Variants in SIK3 observed in about 807,000 individuals in gnomAD.
SIK3 encodes SIK family kinase 3.
A neutral mutation model predicts 144.2 loss-of-function variants in SIK3; 28 were observed. The observed-to-expected ratio is 0.19, with a 90% CI of 0.14 to 0.27. The LOEUF (loss-of-function observed/expected upper bound fraction) is 0.27, where lower values mean the gene tolerates loss of function less well. Ranked by LOEUF, SIK3 falls within the 10% of genes least tolerant of loss-of-function variation. SIK3 has a pLI of 1.00. For synonymous variants in SIK3, 686 were observed against 676.3 expected (o/e 1.01, Z -0.22); for missense variants, 1,319 against 1,776.0 (o/e 0.74, Z 4.62).
rs540924148 is a variant in SIK3, at chr11:117,010,799, C to T, written c.274-53735G>A. ...TAACATATGTATAAATGTACATATA[C>T]ATATACTTTAGATTGAGAAATGTCA... On this transcript the variant is annotated intron_variant, in intron 1 of 24. Coordinates refer to ENST00000445177, the MANE Select transcript of SIK3 (RefSeq NM_001366686.3). 3.3e-5 allele frequency among the ~76,000 whole-genome samples: 5 copies of T among 152,144 alleles called. No individual in the cohort carries two copies. In the South Asian group the frequency reaches 1.0e-3, roughly 32 times the overall value.
Position 116,844,612 on chromosome 11 carries a change from A to G in SIK3, c.*1031T>C, listed in dbSNP as rs1941775555. The G allele has an allele frequency of 2.4e-5, 1 of 41,224 alleles. No homozygotes were observed. Among genetic ancestry groups the G allele is most frequent in the Admixed American group, 2.2e-4 (1 of 4,464 alleles). 2.6% of individuals were successfully genotyped at this position (41,224 alleles called of 1,614,324 possible). A position where few individuals can be genotyped will look rare whatever the true frequency, so the allele number is the denominator to read the frequency against. On this transcript the variant is annotated 3_prime_UTR_variant, in exon 25 of 25. Coordinates refer to ENST00000445177, the MANE Select transcript of SIK3 (RefSeq NM_001366686.3). ...TATATATATTTTATATATATATTAT[A>G]TATATAATATATATATAATATATTA...
chr11:116,941,406 T>C (rs931737030), intron 3 of SIK3, among the ~76,000 whole-genome samples: 16 of 47,662 alleles, frequency 3.4e-4, no homozygotes, highest in African/African-American at 1.4e-3. Context: ...AATAAAAACA[T>C]GTAAAAAAAA....
chr11:117,076,112 G>A (rs1591659467), intron 1 of SIK3, among the ~76,000 whole-genome samples: 2 of 152,018 alleles, frequency 1.3e-5, no homozygotes, highest in South Asian at 2.1e-4. Context: ...GCCTCCCAAA[G>A]TGCTGGGATT....
At chr11:116,912,406 A>G (rs918959376) in intron 4 of SIK3, among the ~76,000 whole-genome samples, 5 of 152,236 alleles carry the variant, frequency 3.3e-5, no homozygotes, top group Non-Finnish European at 7.3e-5. Context: ...CAACTGCAAC[A>G]GGCAATTTTC....
chr11:117,064,362 TA>T (rs1335264908), intron 1 of SIK3, among the ~76,000 whole-genome samples: 1 of 152,250 alleles, frequency 6.6e-6, no homozygotes, highest in African/African-American at 2.4e-5. Flanking sequence ...AACAGCATAT[TA>T]CTTATTGCCT....
chr11:117,016,448 C>T (rs184065810), intron 1 of SIK3, among the ~76,000 whole-genome samples: 96 of 78,426 alleles, frequency 1.2e-3, no homozygotes, highest in Non-Finnish European at 2.4e-3. Flanking sequence ...AGGAAGGAAT[C>T]CCATGACCTA....
At chr11:117,012,659 C>T (rs1951311045) in intron 1 of SIK3, among the ~76,000 whole-genome samples, 1 of 152,132 alleles carries the variant, frequency 6.6e-6, no homozygotes, top group African/African-American at 2.4e-5. Context: ...AATCCTAGCT[C>T]ACCCTGGTAG....
rs1941740146 is a variant in SIK3 at position 116,844,235 on chromosome 11, A to C, written c.*1408T>G. The C allele has an allele frequency of 6.6e-6, 1 of 152,156 alleles. No individual in the cohort carries two copies. The allele number at this position is 152,156 out of a possible 1,614,324, so 9.4% of individuals were successfully genotyped here. ...ATAGCTACTGCGTATGCACTGCTTC[A>C]ACTGGGGAAAGGAGACCACTGCATC... On this transcript the variant is annotated 3_prime_UTR_variant, in exon 25 of 25. Coordinates refer to ENST00000445177, the MANE Select transcript of SIK3 (RefSeq NM_001366686.3).
chr11:116,882,836 A>G (rs12275565), intron 6 of SIK3, among the ~76,000 whole-genome samples: 10,882 of 152,264 alleles, frequency 0.071, 452 homozygotes, highest in Middle Eastern at 0.12. Flanking sequence ...ACTTCTTAGT[A>G]ATGAATTGCT....
At chr11:117,011,224 T>C (rs529978399) in intron 1 of SIK3, among the ~76,000 whole-genome samples, 13 of 152,220 alleles carry the variant, frequency 8.5e-5, no homozygotes, top group South Asian at 4.2e-4. Context: ...CCTTTTTTTT[T>C]CCCCCTGTAA....
At chr11:116,887,245 T>TAAAAA (rs5795056) in intron 6 of SIK3, among the ~76,000 whole-genome samples, 1 of 103,644 alleles carries the variant, frequency 9.6e-6, no homozygotes, top group Admixed American at 1.0e-4. Flanking sequence ...GTCTCTACAC[T>TAAAAA]AAAAAAAAAA....
chr11:116,995,677 C>G lies in SIK3; in HGVS notation c.274-38613G>C, dbSNP rs115903218. ...TGATTGCTCTTAATCCTCTCAACAA[C>G]CTGGCTCCTAAGAATAAATTTATAT... On this transcript the variant is annotated intron_variant, in intron 1 of 24. Coordinates refer to ENST00000445177, the MANE Select transcript of SIK3 (RefSeq NM_001366686.3). Among the ~76,000 whole-genome samples, 1,119 of 152,264 alleles carry G rather than the reference C, an allele frequency of 7.3e-3. 12 individuals are homozygous for G. Among genetic ancestry groups the G allele is most frequent in the African/African-American group, 0.026 (1,075 of 41,534 alleles).
intron 1 of SIK3, among the ~76,000 whole-genome samples, chr11:116,964,243 C>A (rs1193567477): frequency 6.6e-6 from 1 of 152,138 alleles, no homozygotes; most frequent in Non-Finnish European, 1.5e-5. Context: ...TCAATGGATC[C>A]TCCCACCTCA....
intron 1 of SIK3, among the ~76,000 whole-genome samples, chr11:117,071,885 C>A (rs1267925234): frequency 6.7e-6 from 1 of 148,298 alleles, no homozygotes; most frequent in African/African-American, 2.5e-5. Context: ...TTCCAAAGTA[C>A]CGGGATTACA....
At chr11:116,949,208 C>A (rs1480843346) in intron 3 of SIK3, among the ~76,000 whole-genome samples, 1 of 152,194 alleles carries the variant, frequency 6.6e-6, no homozygotes, top group Non-Finnish European at 1.5e-5. Flanking sequence ...CCATGCCCAG[C>A]TAAAAGCTAG....
chr11:116,910,080 CAT>C (rs1463475640), intron 4 of SIK3, among the ~76,000 whole-genome samples: 2 of 152,062 alleles, frequency 1.3e-5, no homozygotes, highest in Admixed American at 6.6e-5. Flanking sequence ...TTATTAGTCA[CAT>C]GATTGAAAAT....
intron 1 of SIK3, among the ~76,000 whole-genome samples, chr11:117,049,569 CT>C (rs2135901572): frequency 6.6e-6 from 1 of 151,804 alleles, no homozygotes; most frequent in Non-Finnish European, 1.5e-5. Context: ...CACAGCAAGG[CT>C]CCATCTCAAA....
At chr11:117,058,628 T>A (rs963202472) in intron 1 of SIK3, among the ~76,000 whole-genome samples, 2 of 152,012 alleles carry the variant, frequency 1.3e-5, no homozygotes, top group African/African-American at 4.8e-5. Flanking sequence ...TCTGCTGAAG[T>A]GTAGAATCAG....
At chr11:116,888,775 T>C (rs1188239632) in intron 6 of SIK3, among the ~76,000 whole-genome samples, 1 of 152,264 alleles carries the variant, frequency 6.6e-6, no homozygotes, top group Non-Finnish European at 1.5e-5. Flanking sequence ...ACGTTTAGGA[T>C]AATCCTGTTG....
Sources: allele counts gnomAD v4.1 joint callset (sites outside exome capture counted in the v4.1 genomes callset), GRCh38; gene constraint gnomAD v4.1.1; transcripts MANE v1.5; gene names NCBI Gene and HGNC (gene_info 2026-07-23, HGNC 2026-07-21).